NTM: variants seen among roughly 807,000 people sequenced by gnomAD.
The protein encoded by NTM is IgLON family member 2.
NTM carries 13 observed loss-of-function variants against 42.1 expected under a neutral mutation model. The observed-to-expected ratio is 0.31, with a 90% confidence interval of 0.20 to 0.49. The LOEUF is 0.49. Ranked by LOEUF, NTM falls within the 20% of genes least tolerant of loss-of-function variation. The probability of loss-of-function intolerance (pLI) is 0.99; values close to 1 mark genes in which losing one functional copy is unlikely to be tolerated. For synonymous variants in NTM, 187 were observed against 179.2 expected (o/e 1.04, Z -0.35); for missense variants, 373 against 452.8 (o/e 0.82, Z 1.60).
chr11:132,240,959 A>G (rs1414854410), intron 4 of NTM, among the ~76,000 whole-genome samples: 8 of 152,224 alleles, frequency 5.3e-5, no homozygotes, highest in Non-Finnish European at 8.8e-5. Flanking sequence ...CAAATGGAAA[A>G]TTCCACACCT....
intron 3 of NTM, among the ~76,000 whole-genome samples, chr11:132,165,494 A>G (rs752595057): frequency 7.4e-4 from 113 of 152,194 alleles, no homozygotes; most frequent in Non-Finnish European, 1.4e-3. Flanking sequence ...GGTCACAGTA[A>G]AATAAGAGCA....
At chr11:131,621,623 C>A (rs1476737567) in intron 1 of NTM, among the ~76,000 whole-genome samples, 2 of 113,250 alleles carry the variant, frequency 1.8e-5, no homozygotes, top group East Asian at 2.7e-4. Flanking sequence ...AACATAGTAA[C>A]ACCCTATCTT....
chr11:132,208,926 C>A (rs1448796441), intron 3 of NTM, among the ~76,000 whole-genome samples: 1 of 152,134 alleles, frequency 6.6e-6, no homozygotes, highest in African/African-American at 2.4e-5. Flanking sequence ...GTCTGCAAGG[C>A]CAGCACAGAC....
intron 2 of NTM, among the ~76,000 whole-genome samples, chr11:132,028,283 T>C (rs954445669): frequency 2.0e-5 from 3 of 150,578 alleles, no homozygotes; most frequent in African/African-American, 7.3e-5. Flanking sequence ...ATGCTGGTGG[T>C]ACTTTTATCT....
intron 1 of NTM, among the ~76,000 whole-genome samples, chr11:131,434,115 A>G (rs1487945187): frequency 6.6e-6 from 1 of 152,210 alleles, no homozygotes; most frequent in African/African-American, 2.4e-5. Context: ...TGTCCCTACA[A>G]AGGACATGAA....
rs1483362937 is a variant in NTM at position 131,994,453 on chromosome 11, G to C, written c.167+82805G>C. 2.0e-5 allele frequency among the ~76,000 whole-genome samples: 3 copies of C among 152,170 alleles called. No homozygotes were observed. In the East Asian group the frequency reaches 5.8e-4, roughly 29 times the overall value. The stretch of plus-strand genomic sequence containing the variant: ...GAGGGATATCTAACCTCTCAACCAA[G>C]TAAGCACTCAATAAAAGTTTATTAG... On this transcript the variant is annotated intron_variant, in intron 2 of 8. Transcript: ENST00000683400.
At chr11:131,877,835 C>A (rs913184987) in intron 1 of NTM, 2 of 152,196 alleles carry the variant, frequency 1.3e-5, no homozygotes, top group Admixed American at 6.5e-5. Flanking sequence ...GAGTCAGGGG[C>A]TCAGAGTTGC....
At chr11:131,743,093 CTCAT>C (rs2081379724) in intron 1 of NTM, among the ~76,000 whole-genome samples, 1 of 152,136 alleles carries the variant, frequency 6.6e-6, no homozygotes, top group African/African-American at 2.4e-5. Flanking sequence ...ATTTTTCTCT[CTCAT>C]AATGTATGCC....
intron 7 of NTM, among the ~76,000 whole-genome samples, chr11:132,316,261 CAGTTCTCGTAAGAGTT>C (rs995921595): frequency 3.9e-5 from 6 of 152,134 alleles, no homozygotes; most frequent in African/African-American, 1.2e-4. Flanking sequence ...AGCAAACAAA[CAGTTCTCGTAAGAGTT>C]GAATAGATGA....
intron 2 of NTM, among the ~76,000 whole-genome samples, chr11:132,106,006 T>C (rs2062329424): frequency 6.6e-6 from 1 of 152,080 alleles, no homozygotes; most frequent in African/African-American, 2.4e-5. Flanking sequence ...CTAAGTCAAT[T>C]TGAGGGTGGC....
rs2065838335 is a variant in NTM, at chr11:131,646,907, C to T, written c.83-264657C>T. Among the ~76,000 whole-genome samples the T allele has an allele frequency of 4.6e-5, 7 of 152,250 alleles. No homozygotes were observed. The South Asian group carries it at 1.2e-3, about 27-fold the overall frequency. On this transcript the variant is annotated intron_variant, in intron 1 of 8. Transcript: ENST00000683400. ...AAGGACGTGCTCACTATTTCTCGGC[C>T]ACATTCACACTATAAAGTGCTTGCT... is the stretch of plus-strand genomic sequence containing the variant.
At chr11:131,831,428 T>G (rs1367032250) in intron 1 of NTM, among the ~76,000 whole-genome samples, 2 of 152,138 alleles carry the variant, frequency 1.3e-5, no homozygotes, top group African/African-American at 2.4e-5. Context: ...TATACCCATG[T>G]CCTCATGGCT....
chr11:132,135,478 G>A (rs1301075181), intron 2 of NTM, among the ~76,000 whole-genome samples: 1 of 152,226 alleles, frequency 6.6e-6, no homozygotes, highest in African/African-American at 2.4e-5. Context: ...TAGGGAAGTG[G>A]GCCTAGGAGA....
At chr11:131,576,260 C>T (rs1463994280) in intron 1 of NTM, among the ~76,000 whole-genome samples, 1 of 152,190 alleles carries the variant, frequency 6.6e-6, no homozygotes, top group Non-Finnish European at 1.5e-5. Flanking sequence ...TCTTCTCCAG[C>T]ACAGCTGAAC....
chr11:131,629,562 T>C (rs2063457005), intron 1 of NTM, among the ~76,000 whole-genome samples: 2 of 152,220 alleles, frequency 1.3e-5, no homozygotes, highest in African/African-American at 4.8e-5. Flanking sequence ...TGTTGCCTCT[T>C]ACTCACACTT....
intron 7 of NTM, among the ~76,000 whole-genome samples, chr11:132,328,894 A>G (rs1308725685): frequency 6.6e-6 from 1 of 152,146 alleles, no homozygotes; most frequent in Non-Finnish European, 1.5e-5. Context: ...CACAGGCACC[A>G]TGGCATCATC....
At chr11:132,134,043 C>T (rs1436934409) in intron 2 of NTM, among the ~76,000 whole-genome samples, 1 of 152,170 alleles carries the variant, frequency 6.6e-6, no homozygotes, top group Non-Finnish European at 1.5e-5. Flanking sequence ...TTTAAACAGT[C>T]TCACTCTGTA....
chr11:131,435,165 C>A (rs1949018792), intron 1 of NTM, among the ~76,000 whole-genome samples: 1 of 152,108 alleles, frequency 6.6e-6, no homozygotes, highest in Non-Finnish European at 1.5e-5. Flanking sequence ...GTTTTGGTAC[C>A]AGTACCATGC....
intron 4 of NTM, among the ~76,000 whole-genome samples, chr11:132,229,784 A>G (rs1053307037): frequency 2.6e-5 from 4 of 152,216 alleles, no homozygotes; most frequent in African/African-American, 9.6e-5. Flanking sequence ...CAACCATCTA[A>G]GATAAATGGG....
Sources: allele counts gnomAD v4.1 joint callset (sites outside exome capture counted in the v4.1 genomes callset), GRCh38; gene constraint gnomAD v4.1.1; transcripts MANE v1.5; gene names NCBI Gene and HGNC (gene_info 2026-07-23, HGNC 2026-07-21).